The following MARCHF3 variants were observed in gnomAD, a reference collection of about 807,000 sequenced individuals.
MARCHF3 encodes membrane associated ring-CH-type finger 3.
Under a neutral mutation model 24.2 loss-of-function variants are expected in MARCHF3, and 13 were observed. The observed-to-expected ratio is 0.54, with a 90% CI of 0.35 to 0.85. The LOEUF (loss-of-function observed/expected upper bound fraction) is 0.85. MARCHF3 is among the 40% of genes least tolerant of loss of function. The pLI, the probability that MARCHF3 is intolerant of heterozygous loss-of-function variation, is 0.01. For synonymous variants in MARCHF3, 144 were observed against 137.3 expected (o/e 1.05, Z -0.34); for missense variants, 276 against 325.0 (o/e 0.85, Z 1.16).
At chr5:127,012,606 AAGAC>A (rs1325969418) in intron 1 of MARCHF3, among the ~76,000 whole-genome samples, 3 of 152,334 alleles carry the variant, frequency 2.0e-5, no homozygotes, top group East Asian at 1.9e-4. Flanking sequence ...AGTGCACAAA[AAGAC>A]AGAGACACAG....
chr5:127,018,142 G>A (rs191282589), intron 1 of MARCHF3, among the ~76,000 whole-genome samples: 250 of 152,286 alleles, frequency 1.6e-3, no homozygotes, highest in African/African-American at 5.7e-3. Context: ...AGACCAAGGC[G>A]GGCAGATCAC....
At chr5:127,002,966 G>C (rs1334095097) in intron 1 of MARCHF3, among the ~76,000 whole-genome samples, 2 of 152,154 alleles carry the variant, frequency 1.3e-5, no homozygotes, top group African/African-American at 4.8e-5. Context: ...GGGAGCAATC[G>C]ATAACCAGAG....
chr5:126,927,406 G>A (rs1344279473), intron 1 of MARCHF3, among the ~76,000 whole-genome samples: 2 of 150,438 alleles, frequency 1.3e-5, no homozygotes, highest in Non-Finnish European at 3.0e-5. Context: ...CCTCTTTAGG[G>A]AACCTCTTTA....
At chr5:126,968,051 T>C (rs886908321) in intron 1 of MARCHF3, among the ~76,000 whole-genome samples, 5 of 152,242 alleles carry the variant, frequency 3.3e-5, no homozygotes, top group Admixed American at 3.3e-4. Flanking sequence ...ATATTTCATG[T>C]AAATGGAATT....
intron 3 of MARCHF3, among the ~76,000 whole-genome samples, chr5:126,887,665 G>A (rs1441661132): frequency 6.6e-6 from 1 of 152,170 alleles, no homozygotes; most frequent in East Asian, 1.9e-4. Flanking sequence ...GCTCCTTTGA[G>A]CTCTCACGCA....
chr5:126,892,457 C>T (rs60821333), intron 3 of MARCHF3, among the ~76,000 whole-genome samples: 3,017 of 140,306 alleles, frequency 0.022, 59 homozygotes, highest in Middle Eastern at 0.058. Context: ...TTTTGAGATA[C>T]GTCCCATCAA....
intron 1 of MARCHF3, among the ~76,000 whole-genome samples, chr5:127,018,820 T>A (rs1250976475): frequency 6.6e-6 from 1 of 152,204 alleles, no homozygotes; most frequent in Admixed American, 6.5e-5. Flanking sequence ...CTGAGTCTAA[T>A]CCTAGCTTAG....
intron 1 of MARCHF3, among the ~76,000 whole-genome samples, chr5:126,970,716 G>T (rs1344652978): frequency 6.6e-6 from 1 of 152,168 alleles, no homozygotes; most frequent in African/African-American, 2.4e-5. Context: ...GCAAAAGAGT[G>T]ATTTTCCAAA....
chr5:126,904,059 C>T (rs1754198415), intron 3 of MARCHF3, among the ~76,000 whole-genome samples: 2 of 149,972 alleles, frequency 1.3e-5, no homozygotes, highest in Admixed American at 6.7e-5. Context: ...TGAGAATATG[C>T]AGTGTTTGGT....
chr5:126,972,368 A>G (rs1042025917), intron 1 of MARCHF3, among the ~76,000 whole-genome samples: 12 of 152,176 alleles, frequency 7.9e-5, no homozygotes, highest in Non-Finnish European at 1.0e-4. Flanking sequence ...AGGTAGGGGC[A>G]AAGTATCTGT....
chr5:126,971,708 G>A (rs940137449), intron 1 of MARCHF3, among the ~76,000 whole-genome samples: 15 of 152,134 alleles, frequency 9.9e-5, no homozygotes, highest in African/African-American at 3.4e-4. Context: ...TTATCTTAGT[G>A]TCCATATGTC....
At chr5:127,027,734 C>T (rs1285170556) in intron 1 of MARCHF3, among the ~76,000 whole-genome samples, 1 of 152,194 alleles carries the variant, frequency 6.6e-6, no homozygotes, top group Non-Finnish European at 1.5e-5. Context: ...ATAAATTTCA[C>T]AAGGCCAGTA....
In MARCHF3 at chr5:126,870,039, G is replaced by A. The variant is rs1454545371; in HGVS notation, c.*594C>T. 6.6e-6 allele frequency: 1 copy of A among 152,238 alleles called. No individual in the cohort carries two copies. Among genetic ancestry groups the A allele is most frequent in the African/African-American group, 2.4e-5 (1 of 41,286 alleles). The allele number at this position is 152,238 out of a possible 1,614,324, so 9.4% of individuals were successfully genotyped here. Reference sequence around the variant, plus strand: ...CCCTTTAAAAACTGAATAATTAAATGAAGTTTAGTACAAAACATTCTTCAA... The same window carrying A: ...CCCTTTAAAAACTGAATAATTAAATAAAGTTTAGTACAAAACATTCTTCAA... On this transcript the variant is annotated 3_prime_UTR_variant, in exon 5 of 5. Coordinates refer to ENST00000308660, the MANE Select transcript of MARCHF3 (RefSeq NM_178450.5).
chr5:126,883,569 C>T (rs1753409249), intron 3 of MARCHF3, among the ~76,000 whole-genome samples: 1 of 152,200 alleles, frequency 6.6e-6, no homozygotes, highest in African/African-American at 2.4e-5. Flanking sequence ...ACTACCTTGC[C>T]ACAGCATCAT....
intron 1 of MARCHF3, among the ~76,000 whole-genome samples, chr5:126,937,631 G>T (rs1752844902): frequency 6.6e-6 from 1 of 152,164 alleles, no homozygotes; most frequent in African/African-American, 2.4e-5. Context: ...CCATAAGTTA[G>T]TGGAAGAACC....
At chr5:126,971,690 A>G (rs1751019095) in intron 1 of MARCHF3, among the ~76,000 whole-genome samples, 1 of 152,182 alleles carries the variant, frequency 6.6e-6, no homozygotes, top group Non-Finnish European at 1.5e-5. Context: ...AACCCAAAGG[A>G]AAGACAGTTA....
chr5:126,919,721 A>G (rs1480249770), intron 1 of MARCHF3, among the ~76,000 whole-genome samples: 1 of 152,206 alleles, frequency 6.6e-6, no homozygotes, highest in Non-Finnish European at 1.5e-5. Flanking sequence ...GTCCAAAACA[A>G]TCATCGGACG....
At chr5:126,895,538 C>T (rs1753853632) in intron 3 of MARCHF3, among the ~76,000 whole-genome samples, 2 of 152,084 alleles carry the variant, frequency 1.3e-5, no homozygotes, top group African/African-American at 4.8e-5. Context: ...ACAGACAGGA[C>T]CCTCAGCTGC....
chr5:126,926,015 A>G (rs1320640015), intron 1 of MARCHF3, among the ~76,000 whole-genome samples: 3 of 152,178 alleles, frequency 2.0e-5, no homozygotes, highest in Admixed American at 6.5e-5. Flanking sequence ...AAGGCTCCCA[A>G]TTTGTTTTTG....
Sources: gnomAD v4.1 joint callset for allele counts (sites outside exome capture counted in the v4.1 genomes callset) on GRCh38, gnomAD v4.1.1 for gene constraint, MANE v1.5 for transcripts, NCBI Gene and HGNC (gene_info 2026-07-23, HGNC 2026-07-21) for gene names.